Variants in NIM1K observed in about 807,000 individuals in gnomAD.
The protein encoded by NIM1K is serine/threonine-protein kinase NIM1.
A neutral mutation model predicts 37.1 loss-of-function variants in NIM1K; 35 were observed. The observed-to-expected ratio is 0.94, with a 90% CI of 0.72 to 1.25. The LOEUF is 1.25. NIM1K is among the 50% of genes most tolerant of loss of function. The probability of loss-of-function intolerance (pLI) is 0.00; values close to 1 mark genes in which losing one functional copy is unlikely to be tolerated. For synonymous variants in NIM1K, 234 were observed against 206.6 expected (o/e 1.13, Z -1.14); for missense variants, 564 against 548.0 (o/e 1.03, Z -0.29).
chr5:43,273,646 G>A (rs958039023), intron 2 of NIM1K, among the ~76,000 whole-genome samples: 6 of 152,138 alleles, frequency 3.9e-5, no homozygotes, highest in African/African-American at 1.2e-4. Flanking sequence ...CTACTACCAG[G>A]CTGATCTGGG....
intron 1 of NIM1K, among the ~76,000 whole-genome samples, chr5:43,198,219 T>C (rs1212527548): frequency 4.2e-5 from 4 of 95,796 alleles, no homozygotes; most frequent in African/African-American, 1.6e-4. Context: ...CTTTCTTTCT[T>C]TCTTTCTTTC....
At chr5:43,235,960 A>C (rs1387023336) in intron 1 of NIM1K, among the ~76,000 whole-genome samples, 1 of 152,146 alleles carries the variant, frequency 6.6e-6, no homozygotes, top group Non-Finnish European at 1.5e-5. Flanking sequence ...GTGTTTTAAA[A>C]GGAGTTAATC....
intron 3 of NIM1K, among the ~76,000 whole-genome samples, chr5:43,277,784 G>A (rs1418582104): frequency 8.9e-6 from 1 of 112,894 alleles, no homozygotes; most frequent in African/African-American, 3.8e-5. Context: ...CTCTCCGTGT[G>A]TGTGTGTGTG....
chr5:43,241,134 ATT>A (rs377558686), intron 1 of NIM1K, among the ~76,000 whole-genome samples: 1 of 150,068 alleles, frequency 6.7e-6, no homozygotes, highest in African/African-American at 2.5e-5. Flanking sequence ...CACTATCAAA[ATT>A]TTTTTTTTGC....
chr5:43,209,348 G>T (rs750948260), intron 1 of NIM1K, among the ~76,000 whole-genome samples: 1 of 152,302 alleles, frequency 6.6e-6, no homozygotes, highest in Non-Finnish European at 1.5e-5. Context: ...CATCAAACCC[G>T]CAGTGTTTCA....
At chr5:43,256,190 G>T (rs553985397) in intron 2 of NIM1K, among the ~76,000 whole-genome samples, 24 of 152,234 alleles carry the variant, frequency 1.6e-4, no homozygotes, top group Admixed American at 3.3e-4. Context: ...TATCACTCTG[G>T]CAGCTTTGTT....
rs111261853 is a variant in NIM1K at position 43,256,736 on chromosome 5, G to A, written c.292+10669G>A. Reference sequence around the variant, plus strand: ...AATGCACTTCCTGGTGGAGTGGCCAGCAACCACTGACTGGTAGAAGTTAAT... The same window carrying A: ...AATGCACTTCCTGGTGGAGTGGCCAACAACCACTGACTGGTAGAAGTTAAT... On this transcript the variant is annotated intron_variant, in intron 2 of 3. Coordinates refer to ENST00000326035, the MANE Select transcript of NIM1K (RefSeq NM_153361.4). 1.3e-3 allele frequency among the ~76,000 whole-genome samples: 197 copies of A among 152,300 alleles called. 3 individuals carry two copies. The highest frequency in any genetic ancestry group is 4.4e-3 in the African/African-American group (184 of 41,558).
intron 1 of NIM1K, among the ~76,000 whole-genome samples, chr5:43,235,030 C>T (rs77957201): frequency 0.046 from 7,038 of 152,212 alleles, 240 homozygotes; most frequent in Admixed American, 0.071. Flanking sequence ...CCTTTTTAAC[C>T]ATTTTAAACT....
intron 1 of NIM1K, among the ~76,000 whole-genome samples, chr5:43,218,866 G>T: frequency 6.6e-6 from 1 of 151,866 alleles, no homozygotes; most frequent in East Asian, 1.9e-4. Flanking sequence ...AGCTGAGATT[G>T]CAGGAATGAT....
intron 2 of NIM1K, among the ~76,000 whole-genome samples, chr5:43,247,722 TGCA>T (rs1238761446): frequency 6.6e-6 from 1 of 152,214 alleles, no homozygotes; most frequent in Non-Finnish European, 1.5e-5. Flanking sequence ...TTGCACATAC[TGCA>T]GACAGCTTTT....
In NIM1K at chr5:43,269,549, C is replaced by T. The variant is rs193218337; in HGVS notation, c.293-7508C>T. 7.3e-5 allele frequency among the ~76,000 whole-genome samples: 11 copies of T among 151,592 alleles called. No homozygotes were observed. The East Asian group carries it at 9.7e-4, about 13-fold the overall frequency. ...AATATTAACATTGAGATGTAAGGTA[C>T]GATTCTCCTCATCATGTTGATTATT... On this transcript the variant is annotated intron_variant, in intron 2 of 3. Coordinates refer to ENST00000326035, the MANE Select transcript of NIM1K (RefSeq NM_153361.4).
chr5:43,198,197 T>TC (rs1751954689), intron 1 of NIM1K, among the ~76,000 whole-genome samples: 4 of 57,050 alleles, frequency 7.0e-5, no homozygotes, highest in East Asian at 1.3e-3. Flanking sequence ...CTTTCTTTCT[T>TC]TCTTTCTTTC....
intron 2 of NIM1K, among the ~76,000 whole-genome samples, chr5:43,260,028 A>C (rs1039823672): frequency 2.0e-5 from 3 of 152,160 alleles, no homozygotes; most frequent in Admixed American, 6.6e-5. Flanking sequence ...ACATTTACTA[A>C]ATAGGGTGTC....
Position 43,246,077 on chromosome 5 carries a change from G to T in NIM1K, c.292+10G>T. 2 of 1,599,712 alleles carry T rather than the reference G, an allele frequency of 1.3e-6. No homozygotes were observed. The highest frequency in any genetic ancestry group is 2.2e-5 in the East Asian group (1 of 44,830). On this transcript the variant is annotated intron_variant, in intron 2 of 3. Coordinates refer to ENST00000326035, the MANE Select transcript of NIM1K (RefSeq NM_153361.4). The stretch of plus-strand genomic sequence containing the variant: ...CACTCCCTAACCAAAGGTAGGATCC[G>T]ACTTCCCAAGGGTCATCCCTGGCAG...
At chr5:43,239,130 GT>G (rs1219297717) in intron 1 of NIM1K, among the ~76,000 whole-genome samples, 3 of 151,948 alleles carry the variant, frequency 2.0e-5, no homozygotes, top group Admixed American at 1.3e-4. Flanking sequence ...TTAGGTTGCA[GT>G]TTTCTTCCTT....
At chr5:43,266,079 TGAG>T (rs1029070721) in intron 2 of NIM1K, among the ~76,000 whole-genome samples, 10 of 152,218 alleles carry the variant, frequency 6.6e-5, no homozygotes, top group Admixed American at 5.9e-4. Flanking sequence ...GGGACCCACT[TGAG>T]GAGGAAGTCT....
At chr5:43,220,858 C>A (rs1172892119) in intron 1 of NIM1K, among the ~76,000 whole-genome samples, 1 of 151,992 alleles carries the variant, frequency 6.6e-6, no homozygotes, top group African/African-American at 2.4e-5. Context: ...TTTGAAGAAG[C>A]CGAGAGAAGA....
intron 1 of NIM1K, among the ~76,000 whole-genome samples, chr5:43,233,554 A>G (rs1270246583): frequency 6.6e-6 from 1 of 152,220 alleles, no homozygotes; most frequent in Non-Finnish European, 1.5e-5. Context: ...ATCCATAGCC[A>G]TAGCCTTGCG....
chr5:43,243,101 G>A (rs555212331), intron 1 of NIM1K, among the ~76,000 whole-genome samples: 10 of 152,126 alleles, frequency 6.6e-5, no homozygotes, highest in Admixed American at 2.0e-4. Context: ...TGTGCCCGGC[G>A]CCCTCCTAGT....
Sources: allele counts gnomAD v4.1 joint callset (sites outside exome capture counted in the v4.1 genomes callset), GRCh38; gene constraint gnomAD v4.1.1; transcripts MANE v1.5; gene names NCBI Gene and HGNC (gene_info 2026-07-23, HGNC 2026-07-21).